Variants in AGBL4 observed in about 807,000 individuals in gnomAD.
AGBL4 encodes the protein AGBL carboxypeptidase 4.
In AGBL4, 58 loss-of-function variants were observed where a neutral mutation model predicts 66.4. The ratio of observed to expected loss-of-function variants is 0.87; its 90% CI spans 0.71 to 1.09. The LOEUF is 1.09. AGBL4 is among the 50% of genes least tolerant of loss of function. AGBL4 has a pLI of 0.00. For synonymous variants in AGBL4, 234 were observed against 222.9 expected (o/e 1.05, Z -0.44); for missense variants, 579 against 631.0 (o/e 0.92, Z 0.88).
intron 1 of AGBL4, among the ~76,000 whole-genome samples, chr1:49,923,281 T>C (rs1446812615): frequency 6.6e-6 from 1 of 152,206 alleles, no homozygotes; most frequent in Admixed American, 6.5e-5. Flanking sequence ...AGGCTGAAAC[T>C]GGATCCCTTC....
chr1:49,420,568 T>C (rs1383718951), intron 3 of AGBL4, among the ~76,000 whole-genome samples: 1 of 151,820 alleles, frequency 6.6e-6, no homozygotes, highest in Non-Finnish European at 1.5e-5. Flanking sequence ...AGGCGTGGTG[T>C]TGGGCACCTG....
chr1:49,148,228 CGTT>C (rs1646257945), intron 4 of AGBL4, among the ~76,000 whole-genome samples: 1 of 152,112 alleles, frequency 6.6e-6, no homozygotes, highest in Non-Finnish European at 1.5e-5. Flanking sequence ...TGATTAGTGT[CGTT>C]ATTATTACTA....
chr1:49,474,118 T>C (rs1235245181), intron 3 of AGBL4, among the ~76,000 whole-genome samples: 1 of 152,108 alleles, frequency 6.6e-6, no homozygotes, highest in African/African-American at 2.4e-5. Context: ...TTGGGCTCTT[T>C]TAGTTCCATA....
intron 3 of AGBL4, among the ~76,000 whole-genome samples, chr1:49,519,476 C>A (rs1650084915): frequency 6.6e-6 from 1 of 152,024 alleles, no homozygotes; most frequent in African/African-American, 2.4e-5. Flanking sequence ...GGAGTTCATC[C>A]TGTTTTACAG....
At chr1:49,181,001 T>G (rs1448230338) in intron 4 of AGBL4, among the ~76,000 whole-genome samples, 1 of 152,186 alleles carries the variant, frequency 6.6e-6, no homozygotes, top group African/African-American at 2.4e-5. Flanking sequence ...CTCCTCAGCA[T>G]GGTCTGCATG....
Position 49,046,048 on chromosome 1 carries a change from C to T in AGBL4, c.378-248G>A, listed in dbSNP as rs150811452. 7.1e-3 allele frequency among the ~76,000 whole-genome samples: 1,076 copies of T among 152,304 alleles called. 8 individuals are homozygous for T. The highest frequency in any genetic ancestry group is 0.012 in the Non-Finnish European group (788 of 68,026). ...ATGCAAAGTTAAACAAAAATAGACA[C>T]ATTCTATTCACTTGTTTATCCTTAT... On this transcript the variant is annotated intron_variant, in intron 4 of 13. Coordinates refer to ENST00000371839, the MANE Select transcript of AGBL4 (RefSeq NM_032785.4).
At chr1:49,383,965 T>A (rs182939583) in intron 3 of AGBL4, among the ~76,000 whole-genome samples, 30 of 152,020 alleles carry the variant, frequency 2.0e-4, no homozygotes, top group Non-Finnish European at 3.2e-4. Context: ...CCCAGCTAAT[T>A]TTTTGTATTT....
chr1:49,289,497 G>A (rs540861782), intron 3 of AGBL4, among the ~76,000 whole-genome samples: 1 of 152,270 alleles, frequency 6.6e-6, no homozygotes, highest in South Asian at 2.1e-4. Flanking sequence ...AAGATGTACT[G>A]ATTTGAAAGG....
At chr1:48,907,173 A>G (rs1351229083) in intron 5 of AGBL4, among the ~76,000 whole-genome samples, 2 of 152,200 alleles carry the variant, frequency 1.3e-5, no homozygotes, top group Non-Finnish European at 2.9e-5. Context: ...GTTAGCACCC[A>G]CACGCAACTT....
At chr1:48,890,573 A>G (rs1173923109) in intron 5 of AGBL4, among the ~76,000 whole-genome samples, 1 of 152,138 alleles carries the variant, frequency 6.6e-6, no homozygotes, top group Non-Finnish European at 1.5e-5. Flanking sequence ...AGTCAGTGAT[A>G]TTCTTGTGTT....
chr1:49,842,308 G>C (rs1646017228), intron 2 of AGBL4: 1 of 500,718 alleles, frequency 2.0e-6, no homozygotes, highest in African/African-American at 2.0e-5. Flanking sequence ...GGTTACCAAA[G>C]CCAAACATCA....
At chr1:49,725,103 A>G (rs191321170) in intron 2 of AGBL4, among the ~76,000 whole-genome samples, 1 of 152,236 alleles carries the variant, frequency 6.6e-6, no homozygotes, top group East Asian at 1.9e-4. Context: ...TCCTACTAAA[A>G]TGACATTTTC....
chr1:49,414,403 C>A (rs982305838), intron 3 of AGBL4, among the ~76,000 whole-genome samples: 2 of 152,074 alleles, frequency 1.3e-5, no homozygotes, highest in Non-Finnish European at 2.9e-5. Flanking sequence ...ATAAATGGAC[C>A]ATACTCTAGT....
chr1:49,936,018 T>C (rs1653966840), intron 1 of AGBL4, among the ~76,000 whole-genome samples: 1 of 152,142 alleles, frequency 6.6e-6, no homozygotes, highest in Admixed American at 6.5e-5. Flanking sequence ...AGAAGAAGGC[T>C]TCAGACGATC....
At chr1:49,514,293 G>A (rs1203560700) in intron 3 of AGBL4, among the ~76,000 whole-genome samples, 1 of 151,882 alleles carries the variant, frequency 6.6e-6, no homozygotes, top group Non-Finnish European at 1.5e-5. Context: ...TCCCTATCTT[G>A]TGCCAGTTTT....
intron 9 of AGBL4, among the ~76,000 whole-genome samples, chr1:48,603,949 AAAC>A (rs573631069): frequency 1.5e-4 from 22 of 151,582 alleles, no homozygotes; most frequent in African/African-American, 3.4e-4. Context: ...AAAAACAACA[AAAC>A]AACAACAACA....
intron 1 of AGBL4, among the ~76,000 whole-genome samples, chr1:49,880,676 G>A (rs1378412231): frequency 6.6e-6 from 1 of 152,172 alleles, no homozygotes; most frequent in African/African-American, 2.4e-5. Context: ...CTTGACCTGT[G>A]GTGGGCTCCA....
In AGBL4 at chr1:49,195,660, G is replaced by A. The variant is rs181627992; in HGVS notation, c.377+50110C>T. Among the ~76,000 whole-genome samples the A allele has an allele frequency of 1.7e-3, 255 of 152,102 alleles. 2 individuals carry two copies. The highest frequency in any genetic ancestry group is 5.8e-3 in the African/African-American group (239 of 41,490). On this transcript the variant is annotated intron_variant, in intron 4 of 13. Coordinates refer to ENST00000371839, the MANE Select transcript of AGBL4 (RefSeq NM_032785.4). ...AAGTCAATTTTGCAATGTATTTTCC[G>A]GGTGATCTTGGACCTCTTGTATCTA...
chr1:49,061,198 A>T (rs1157420484), intron 4 of AGBL4, among the ~76,000 whole-genome samples: 4 of 152,208 alleles, frequency 2.6e-5, no homozygotes, highest in Admixed American at 2.6e-4. Flanking sequence ...GGAGGGGAGT[A>T]GGATTACTTA....
Sources: allele counts gnomAD v4.1 joint callset (sites outside exome capture counted in the v4.1 genomes callset), GRCh38; gene constraint gnomAD v4.1.1; transcripts MANE v1.5; gene names NCBI Gene and HGNC (gene_info 2026-07-23, HGNC 2026-07-21).